Variants in POP1 observed in about 807,000 individuals in gnomAD.
The protein encoded by POP1 is ribonucleases P/MRP protein subunit POP1.
In POP1, 75 loss-of-function variants were observed where a neutral mutation model predicts 102.2. That is an observed-to-expected ratio of 0.73 (90% CI 0.61 to 0.89). The LOEUF is 0.89. Among genes scored for constraint, POP1 ranks in the 40% least tolerant of loss-of-function variants. The pLI, the probability that POP1 is intolerant of heterozygous loss-of-function variation, is 0.00. For missense variants in POP1, 1,116 were observed against 1,267.4 expected (o/e 0.88, Z 1.81); for synonymous variants, 436 against 464.1 (o/e 0.94, Z 0.78).
chr8:98,128,159 T>C (rs1816268356), intron 3 of POP1, among the ~76,000 whole-genome samples: 2 of 152,216 alleles, frequency 1.3e-5, no homozygotes, highest in South Asian at 4.1e-4. Context: ...CATCCTCTTC[T>C]GTTCTTCACC....
chr8:98,135,567 C>G (rs1816510526), intron 7 of POP1, among the ~76,000 whole-genome samples: 1 of 152,114 alleles, frequency 6.6e-6, no homozygotes, highest in Non-Finnish European at 1.5e-5. Context: ...TAATATTTGA[C>G]TAACCCTACC....
intron 12 of POP1, among the ~76,000 whole-genome samples, chr8:98,147,669 G>A (rs549333393): frequency 6.6e-6 from 1 of 152,228 alleles, no homozygotes; most frequent in African/African-American, 2.4e-5. Context: ...ATGACATAAT[G>A]GGGGCCTGAA....
intron 11 of POP1, among the ~76,000 whole-genome samples, chr8:98,142,380 A>G (rs1816727770): frequency 6.6e-6 from 1 of 152,234 alleles, no homozygotes; most frequent in Non-Finnish European, 1.5e-5. Flanking sequence ...AAGGGAAGGT[A>G]CATGAAGAAA....
intron 5 of POP1, among the ~76,000 whole-genome samples, chr8:98,133,509 A>T (rs990767030): frequency 5.3e-5 from 8 of 152,152 alleles, no homozygotes; most frequent in African/African-American, 1.9e-4. Flanking sequence ...ACCTGAGCAT[A>T]ATTTTGCAGA....
chr8:98,155,907 TTTTGTG>T (rs1277733569), intron 14 of POP1, 137 bp from the exon 15 acceptor site: 2 of 647,154 alleles, frequency 3.1e-6, no homozygotes, highest in African/African-American at 2.5e-5. Context: ...CTTGGAAAGC[TTTTGTG>T]TGTGTGTGTG....
At chr8:98,127,842 G>A in intron 3 of POP1, 80 bp downstream of exon 3, 1 of 1,477,392 alleles carries the variant, frequency 6.8e-7, no homozygotes, top group Non-Finnish European at 9.4e-7. Flanking sequence ...CCCTCCTTGT[G>A]GTCCTGGCTC....
In POP1 at chr8:98,158,311, A is replaced by G; in HGVS notation, c.*40A>G. 6.3e-7 allele frequency: 1 copy of G among 1,594,246 alleles called. No homozygotes were observed. The highest frequency in any genetic ancestry group is 8.5e-7 in the Non-Finnish European group (1 of 1,174,772). ...CCCAGCAGGGCATAGATAATACGTT[A>G]TTATTGTCTGCCAAGTTCTACATGT... On this transcript the variant is annotated 3_prime_UTR_variant, in exon 16 of 16. Transcript: ENST00000401707.
chr8:98,150,378 T>G (rs1331380366), intron 13 of POP1, 107 bp from the exon 14 acceptor site: 14 of 1,190,022 alleles, frequency 1.2e-5, no homozygotes, highest in Middle Eastern at 4.1e-4. Flanking sequence ...TTCTATCCAT[T>G]CTCCTTTTGA....
At chr8:98,121,817 C>T (rs561931624) in intron 1 of POP1, among the ~76,000 whole-genome samples, 90 of 151,474 alleles carry the variant, frequency 5.9e-4, no homozygotes, top group Middle Eastern at 6.8e-3. Context: ...TGAGTAGCTG[C>T]GACTACAGGC....
intron 13 of POP1, 136 bp downstream of exon 13, chr8:98,149,142 G>T (rs1162451179): frequency 1.2e-6 from 1 of 835,708 alleles, no homozygotes; most frequent in African/African-American, 1.7e-5. Flanking sequence ...TAGAGCTATA[G>T]TCCTGGATAC....
chr8:98,126,021 T>TG (rs1202942298), intron 2 of POP1, among the ~76,000 whole-genome samples: 2 of 151,884 alleles, frequency 1.3e-5, no homozygotes, highest in East Asian at 3.9e-4. Flanking sequence ...AATTTTTTTT[T>TG]TTTTTTTTGG....
Position 98,159,262 on chromosome 8 carries a change from C to T in POP1, c.*991C>T, listed in dbSNP as rs1011743740. 6 of 152,128 alleles carry T rather than the reference C, an allele frequency of 3.9e-5. No individual in the cohort carries two copies. Among genetic ancestry groups the T allele is most frequent in the Non-Finnish European group, 5.9e-5 (4 of 68,030 alleles). 9.4% of individuals were successfully genotyped at this position (152,128 alleles called of 1,614,324 possible). A position where few individuals can be genotyped will look rare whatever the true frequency, so the allele number is the denominator to read the frequency against. The stretch of plus-strand genomic sequence containing the variant: ...TGTAGGACCAGTGTTCTTAGTAGCG[C>T]GCTTTGGGCAGTGTGGCTGTGTAGT... On this transcript the variant is annotated 3_prime_UTR_variant, in exon 16 of 16. Coordinates refer to ENST00000401707, the MANE Select transcript of POP1 (RefSeq NM_001145860.2).
rs549786275 is a variant in POP1, at chr8:98,131,011, C to A, written c.735+785C>A. On this transcript the variant is annotated intron_variant, in intron 5 of 15. Coordinates refer to ENST00000401707, the MANE Select transcript of POP1 (RefSeq NM_001145860.2). ...GCCTATCTTTCAGTGGCAGAATGGC[C>A]TTGGCCAAATTTTGAAAGCCATTAC... Among the ~76,000 whole-genome samples the A allele has an allele frequency of 2.0e-5, 3 of 152,308 alleles. No individual in the cohort carries two copies. The South Asian group carries it at 6.2e-4, about 32-fold the overall frequency.
In POP1 at chr8:98,146,706, T is replaced by C. The variant is rs1313982268; in HGVS notation, c.1710+23T>C. On this transcript the variant is annotated intron_variant, in intron 12 of 15. Transcript: ENST00000401707. Reference sequence around the variant, plus strand: ...CAGGTAACTAATAGTGTAAGGGTTATTGGTAAAGTCATGAATGACAGGTTA... The same window carrying C: ...CAGGTAACTAATAGTGTAAGGGTTACTGGTAAAGTCATGAATGACAGGTTA... 8 of 1,507,208 alleles carry C rather than the reference T, an allele frequency of 5.3e-6. No homozygotes were observed. In the African/African-American group the frequency reaches 6.9e-5, roughly 13 times the overall value. The allele number at this position is 1,507,208 out of a possible 1,614,324, so 93.4% of individuals were successfully genotyped here. A position where few individuals can be genotyped will look rare whatever the true frequency, so the allele number is the denominator to read the frequency against.
chr8:98,156,967 T>C (rs1809667957), intron 15 of POP1, among the ~76,000 whole-genome samples: 1 of 150,596 alleles, frequency 6.6e-6, no homozygotes, highest in Non-Finnish European at 1.5e-5. Context: ...AGAGGTGTGA[T>C]CTTGGCTCAC....
At chr8:98,124,456 G>A (rs2130578020) in intron 2 of POP1, among the ~76,000 whole-genome samples, 1 of 152,194 alleles carries the variant, frequency 6.6e-6, no homozygotes, top group Non-Finnish European at 1.5e-5. Context: ...CTGCCACTTG[G>A]GAGGCTGAGG....
chr8:98,120,003 G>A (rs1486690902), intron 1 of POP1, among the ~76,000 whole-genome samples: 1 of 152,208 alleles, frequency 6.6e-6, no homozygotes, highest in Non-Finnish European at 1.5e-5. Flanking sequence ...GCTCAGGGAT[G>A]TTCCCAAGGT....
Position 98,134,533 on chromosome 8 carries a change from T to C in POP1, c.885T>C (p.Tyr295=). Residue 295 remains tyrosine, a synonymous_variant, in exon 7 of 16, where the codon TAT becomes TAC. Coordinates refer to ENST00000401707, the MANE Select transcript of POP1 (RefSeq NM_001145860.2). The part of the protein sequence containing the change: ...SGKRQGSLVL[Y]RVNKYPREML... ...AGCGCCAAGGGAGCCTTGTGCTTTA[T>C]CGGGTGAATAAATATCCCAGAGAAA... The C allele has an allele frequency of 6.2e-7, 1 of 1,614,226 alleles. No individual in the cohort carries two copies. Among genetic ancestry groups the C allele is most frequent in the Middle Eastern group, 1.7e-4 (1 of 6,058 alleles).
At position 98,136,598 on chromosome 8, in the gene POP1, T is replaced by A. The variant is rs62639698; in HGVS notation, c.1128T>A (p.Pro376=). 4,276 of 1,613,940 alleles carry A rather than the reference T, an allele frequency of 2.6e-3. 103 individuals carry two copies. The African/African-American group carries it at 0.051, about 19-fold the overall frequency. Residue 376 remains proline, a synonymous_variant, in exon 8 of 16, where the codon CCT becomes CCA. Transcript: ENST00000401707. ...AAGAAAAAAGCCAAACTGAATTGCC[T>A]GACGAGAAAATTGGCAAGAAAAGAA... ...PSQEKSQTEL[P]DEKIGKKRKR...
Sources: allele counts gnomAD v4.1 joint callset (sites outside exome capture counted in the v4.1 genomes callset), GRCh38; gene constraint gnomAD v4.1.1; transcripts MANE v1.5; gene names NCBI Gene and HGNC (gene_info 2026-07-23, HGNC 2026-07-21).